HOOK1: variants seen among roughly 807,000 people sequenced by gnomAD.
HOOK1 encodes the protein protein Hook homolog 1.
In HOOK1, 60 loss-of-function variants were observed where a neutral mutation model predicts 112.8. The ratio of observed to expected loss-of-function variants is 0.53; its 90% CI spans 0.43 to 0.66. HOOK1 has a LOEUF of 0.66. Ranked by LOEUF, HOOK1 falls within the 30% of genes least tolerant of loss-of-function variation. The pLI is 0.00. For missense variants in HOOK1, 770 were observed against 856.0 expected, an observed-to-expected ratio of 0.90 and a Z score of 1.25; for synonymous variants, 294 against 283.8, an observed-to-expected ratio of 1.04 and a Z score of -0.36.
At chr1:59,843,225 T>A (rs1018347284) in intron 8 of HOOK1, among the ~76,000 whole-genome samples, 2 of 150,712 alleles carry the variant, frequency 1.3e-5, no homozygotes, top group Non-Finnish European at 3.0e-5. Flanking sequence ...TCCATATGTG[T>A]ATTGATTTGA....
chr1:59,819,637 A>G (rs1439749772), intron 1 of HOOK1, among the ~76,000 whole-genome samples: 1 of 152,218 alleles, frequency 6.6e-6, no homozygotes, highest in Non-Finnish European at 1.5e-5. Context: ...TCATGGAGGT[A>G]GTCCCTTAGC....
chr1:59,867,123 C>G (rs1159834138), intron 19 of HOOK1, among the ~76,000 whole-genome samples: 1 of 151,992 alleles, frequency 6.6e-6, no homozygotes, highest in Admixed American at 6.6e-5. Context: ...TTTTTTTTCC[C>G]ATTACCTTAT....
At chr1:59,854,691 C>G (rs2098409582) in intron 12 of HOOK1, among the ~76,000 whole-genome samples, 1 of 152,040 alleles carries the variant, frequency 6.6e-6, no homozygotes, top group African/African-American at 2.4e-5. Context: ...GTGATGAATC[C>G]TTTTTCTCTT....
chr1:59,852,682 A>C (rs369238803), intron 12 of HOOK1, among the ~76,000 whole-genome samples: 10 of 151,598 alleles, frequency 6.6e-5, no homozygotes, highest in African/African-American at 2.4e-4. Flanking sequence ...GTAAAGGAAC[A>C]CAAATTCCTT....
Position 59,847,046 on chromosome 1 carries a change from C to T in HOOK1, c.790C>T (p.Leu264Phe). The part of the protein sequence containing the change: ...LEQLQEENFR[L>F]EAAKDDYRVH... ...TACTTACTTTTTTATTTGTTCAAGG[C>T]TTGAAGCTGCAAAAGATGATTACCG... is the stretch of plus-strand genomic sequence containing the variant. Residue 264 changes from leucine (L) to phenylalanine (F), a missense_variant and splice_region_variant, in exon 10 of 22, where the codon CTT becomes TTT. Physicochemically the swap from Leu to Phe is conservative, Grantham distance 22 (BLOSUM62 0). Around this residue, in one of 3 missense-constraint regions of HOOK1, gnomAD observed 655 missense variants for 725.9 expected, o/e 0.90. Coordinates refer to ENST00000371208, the MANE Select transcript of HOOK1 (RefSeq NM_015888.6). 1 of 1,587,060 alleles carries T rather than the reference C, an allele frequency of 6.3e-7. No individual in the cohort carries two copies. Among genetic ancestry groups the T allele is most frequent in the Non-Finnish European group, 8.5e-7 (1 of 1,170,496 alleles).
Position 59,815,003 on chromosome 1 carries a change from G to A in HOOK1, c.-115G>A, listed in dbSNP as rs1414362231. ...GTTCGCGCGTGAGCTGCGCGGGTCG[G>A]GCCTGGTACCGAGCTTTCCTGGGGG... On this transcript the variant is annotated 5_prime_UTR_variant, in exon 1 of 22. Coordinates refer to ENST00000371208, the MANE Select transcript of HOOK1 (RefSeq NM_015888.6). 3 of 1,085,422 alleles carry A rather than the reference G, an allele frequency of 2.8e-6. No individual in the cohort carries two copies. The highest frequency in any genetic ancestry group is 4.0e-6 in the Non-Finnish European group (3 of 742,790). The allele number at this position is 1,085,422 out of a possible 1,614,324, so 67.2% of individuals were successfully genotyped here. A position where few individuals can be genotyped will look rare whatever the true frequency, so the allele number is the denominator to read the frequency against.
At chr1:59,851,883 G>C (rs1559055821) in intron 12 of HOOK1, among the ~76,000 whole-genome samples, 1 of 151,626 alleles carries the variant, frequency 6.6e-6, no homozygotes, top group Non-Finnish European at 1.5e-5. Context: ...TATCCTAAAA[G>C]AGTATCGGAT....
rs192232209 is a variant in HOOK1, at chr1:59,820,280, G to A, written c.64-1578G>A. Among the ~76,000 whole-genome samples, 13 of 152,230 alleles carry A rather than the reference G, an allele frequency of 8.5e-5. No homozygotes were observed. In the East Asian group the frequency reaches 2.5e-3, roughly 29 times the overall value. On this transcript the variant is annotated intron_variant, in intron 1 of 21. Coordinates refer to ENST00000371208, the MANE Select transcript of HOOK1 (RefSeq NM_015888.6). ...TGCCACATGCCAGGCCCTGATATAGGTATATTTGCTATTTCACTTAATTCC... is the reference window on the plus strand; with the variant it reads ...TGCCACATGCCAGGCCCTGATATAGATATATTTGCTATTTCACTTAATTCC...
chr1:59,830,358 A>G (rs1030539664), intron 3 of HOOK1, among the ~76,000 whole-genome samples: 2 of 151,862 alleles, frequency 1.3e-5, no homozygotes, highest in Admixed American at 6.6e-5. Context: ...TTTTTACTTC[A>G]TGTATTTTGA....
At chr1:59,862,921 T>G in intron 16 of HOOK1, 44 bp downstream of exon 16, 1 of 1,085,566 alleles carries the variant, frequency 9.2e-7, no homozygotes, top group Non-Finnish European at 1.4e-6. Flanking sequence ...TGTATGGCTT[T>G]TCTTTAATAG....
chr1:59,857,539 C>G (rs1284508482), intron 12 of HOOK1, among the ~76,000 whole-genome samples: 1 of 152,158 alleles, frequency 6.6e-6, no homozygotes, highest in Admixed American at 6.6e-5. Context: ...TTACAGAGGT[C>G]TTTGTGCCTG....
intron 3 of HOOK1, among the ~76,000 whole-genome samples, chr1:59,829,157 CAT>C (rs1234836953): frequency 2.0e-5 from 3 of 152,026 alleles, no homozygotes; most frequent in African/African-American, 7.2e-5. Flanking sequence ...TAAATTGAAT[CAT>C]ATAATATGTA....
At position 59,874,057 on chromosome 1, in the gene HOOK1, CA is replaced by C. The variant is rs1375109206; in HGVS notation, c.*1093del. On this transcript the variant is annotated 3_prime_UTR_variant, in exon 22 of 22. Transcript: ENST00000371208. ...TTTTGGGGTCATTTTTAAAAGTTAG[CA>C]CTTTTGAATTTTAGTTGTGTTAAAT... is the stretch of plus-strand genomic sequence containing the variant. 2 of 151,812 alleles carry C rather than the reference CA, an allele frequency of 1.3e-5. No homozygotes were observed. The highest frequency in any genetic ancestry group is 4.8e-5 in the African/African-American group (2 of 41,350). The allele number at this position is 151,812 out of a possible 1,614,324, so 9.4% of individuals were successfully genotyped here. A position where few individuals can be genotyped will look rare whatever the true frequency, so the allele number is the denominator to read the frequency against.
intron 12 of HOOK1, among the ~76,000 whole-genome samples, chr1:59,852,304 C>T (rs2098407558): frequency 6.6e-6 from 1 of 151,758 alleles, no homozygotes; most frequent in Admixed American, 6.6e-5. Flanking sequence ...TAATAAATTA[C>T]TAATTCAATC....
intron 1 of HOOK1, among the ~76,000 whole-genome samples, chr1:59,816,479 G>T (rs973446716): frequency 5.3e-5 from 8 of 152,192 alleles, no homozygotes; most frequent in African/African-American, 1.9e-4. Flanking sequence ...GGGTGTATCC[G>T]AATCTGCTAC....
chr1:59,821,174 T>C (rs1397010275), intron 1 of HOOK1, among the ~76,000 whole-genome samples: 1 of 152,216 alleles, frequency 6.6e-6, no homozygotes, highest in African/African-American at 2.4e-5. Flanking sequence ...TTAGCTCTGA[T>C]GTAATTTGCT....
chr1:59,860,993 G>A (rs1324198418), intron 15 of HOOK1, among the ~76,000 whole-genome samples: 1 of 151,918 alleles, frequency 6.6e-6, no homozygotes, highest in Non-Finnish European at 1.5e-5. Context: ...GACCAGGCTC[G>A]TCTCAATCTC....
chr1:59,873,090 T>A lies in HOOK1; in HGVS notation c.*125T>A. On this transcript the variant is annotated 3_prime_UTR_variant, in exon 22 of 22. Transcript: ENST00000371208. ...TTATGATGCGGGATATCAGGTATTTTAAAATCAACATGCATCAAATTAATT... is the reference window on the plus strand; with the variant it reads ...TTATGATGCGGGATATCAGGTATTTAAAAATCAACATGCATCAAATTAATT... The A allele has an allele frequency of 2.6e-6, 2 of 771,062 alleles. No homozygotes were observed. Among genetic ancestry groups the A allele is most frequent in the Non-Finnish European group, 3.7e-6 (2 of 545,624 alleles). 47.8% of individuals were successfully genotyped at this position (771,062 alleles called of 1,614,324 possible).
Position 59,875,366 on chromosome 1 carries a change from G to A in HOOK1, c.*2401G>A, listed in dbSNP as rs568648151. 1 of 152,706 alleles carries A rather than the reference G, an allele frequency of 6.5e-6. No homozygotes were observed. Among genetic ancestry groups the A allele is most frequent in the East Asian group, 1.9e-4 (1 of 5,188 alleles). 9.5% of individuals were successfully genotyped at this position (152,706 alleles called of 1,614,324 possible). Reference sequence around the variant, plus strand: ...AAGTAGGATTCAAAACGTTTGATATGTAAGTATTTATATAAGACTAATGTA... The same window carrying A: ...AAGTAGGATTCAAAACGTTTGATATATAAGTATTTATATAAGACTAATGTA... On this transcript the variant is annotated 3_prime_UTR_variant, in exon 22 of 22. Transcript: ENST00000371208.
Sources: allele counts gnomAD v4.1 joint callset (sites outside exome capture counted in the v4.1 genomes callset), GRCh38; gene constraint gnomAD v4.1.1; regional missense constraint gnomAD v4.1.1; transcripts MANE v1.5; gene names NCBI Gene and HGNC (gene_info 2026-07-23, HGNC 2026-07-21).